GCNT2: variants seen among roughly 807,000 people sequenced by gnomAD.
GCNT2 encodes glucosaminyl (N-acetyl) transferase 2 (I blood group), also known as N-acetyllactosaminide beta-1,6-N-acetylglucosaminyl-transferase.
Under a neutral mutation model 34.2 loss-of-function variants are expected in GCNT2, and 34 were observed. The ratio of observed to expected loss-of-function variants is 1.00; its 90% CI spans 0.76 to 1.32. The LOEUF (loss-of-function observed/expected upper bound fraction) is 1.32, where lower values mean the gene tolerates loss of function less well. GCNT2 is among the 40% of genes most tolerant of loss of function. The probability of loss-of-function intolerance (pLI) is 0.00; values close to 1 mark genes in which losing one functional copy is unlikely to be tolerated. For synonymous variants in GCNT2, 212 were observed against 188.0 expected (o/e 1.13, Z -1.04); for missense variants, 584 against 489.4 (o/e 1.19, Z -1.82).
At chr6:10,536,560 TG>T (rs1761763060) in intron 3 of GCNT2, among the ~76,000 whole-genome samples, 1 of 151,714 alleles carries the variant, frequency 6.6e-6, no homozygotes, top group African/African-American at 2.4e-5. Flanking sequence ...TTCACCATGT[TG>T]GCCAGGATGG....
chr6:10,562,228 C>T (rs575230523), intron 3 of GCNT2, among the ~76,000 whole-genome samples: 279 of 152,278 alleles, frequency 1.8e-3, no homozygotes, highest in African/African-American at 6.2e-3. Flanking sequence ...TGGGTACAAC[C>T]AGGTCGAGAT....
At chr6:10,563,770 AAAAAAAAATATATATATATATAT>A (rs1375909899) in intron 3 of GCNT2, among the ~76,000 whole-genome samples, 79 of 75,328 alleles carry the variant, frequency 1.0e-3, no homozygotes, top group Admixed American at 6.0e-3. Flanking sequence ...AAAAAAAAAA[AAAAAAAAATATATATATATATAT>A]ATATATATAT....
chr6:10,559,573 C>G (rs1762878668), intron 3 of GCNT2, among the ~76,000 whole-genome samples: 1 of 152,220 alleles, frequency 6.6e-6, no homozygotes, highest in Non-Finnish European at 1.5e-5. Flanking sequence ...GTAAAGACCT[C>G]CCACGCTGCT....
In GCNT2 at chr6:10,545,018, C is replaced by T. The variant is rs533891232; in HGVS notation, c.925+15182C>T. ...AGAGCTGCTGGGAAAATAAATAAAG[C>T]AATTTAATTTAATCCTAATATGTAG... On this transcript the variant is annotated intron_variant, in intron 3 of 4. Coordinates refer to ENST00000495262, the MANE Select transcript of GCNT2 (RefSeq NM_145649.5). Among the ~76,000 whole-genome samples the T allele has an allele frequency of 4.6e-5, 7 of 152,038 alleles. No homozygotes were observed. In the South Asian group the frequency reaches 1.5e-3, roughly 32 times the overall value.
intron 3 of GCNT2, among the ~76,000 whole-genome samples, chr6:10,572,122 G>C (rs1013891862): frequency 6.6e-6 from 1 of 152,036 alleles, no homozygotes; most frequent in Non-Finnish European, 1.5e-5. Flanking sequence ...TGGGCAAGCC[G>C]GGACAGTTGG....
At chr6:10,541,380 A>T (rs1762031382) in intron 3 of GCNT2, among the ~76,000 whole-genome samples, 1 of 152,184 alleles carries the variant, frequency 6.6e-6, no homozygotes, top group South Asian at 2.1e-4. Flanking sequence ...TCTATGGCGT[A>T]TATATACGAC....
intron 4 of GCNT2, among the ~76,000 whole-genome samples, chr6:10,622,282 C>G (rs1462425696): frequency 6.6e-6 from 1 of 152,196 alleles, no homozygotes; most frequent in African/African-American, 2.4e-5. Context: ...GCTGCCATAA[C>G]AAAGTGGCAC....
In GCNT2 at chr6:10,624,477, C is replaced by T. The variant is rs1483930832; in HGVS notation, c.1019-1940C>T. On this transcript the variant is annotated intron_variant, in intron 4 of 4. Coordinates refer to ENST00000495262, the MANE Select transcript of GCNT2 (RefSeq NM_145649.5). ...ACAAGAACAATCATGGGGGAAACTG[C>T]CCCCCACGATTCAACTATCTCCCAC... is the stretch of plus-strand genomic sequence containing the variant. Among the ~76,000 whole-genome samples, 7 of 152,116 alleles carry T rather than the reference C, an allele frequency of 4.6e-5. No homozygotes were observed. In the South Asian group the frequency reaches 8.3e-4, roughly 18 times the overall value.
chr6:10,576,223 A>G (rs1474671474), intron 3 of GCNT2, among the ~76,000 whole-genome samples: 10 of 152,194 alleles, frequency 6.6e-5, no homozygotes, highest in Admixed American at 5.9e-4. Context: ...TGACATGAAG[A>G]GTTGTAGGAA....
At chr6:10,618,397 A>G (rs558943467) in intron 3 of GCNT2, among the ~76,000 whole-genome samples, 1 of 152,324 alleles carries the variant, frequency 6.6e-6, no homozygotes, top group South Asian at 2.1e-4. Flanking sequence ...TTAATTATAA[A>G]TGTCACGATC....
intron 4 of GCNT2, among the ~76,000 whole-genome samples, chr6:10,624,246 C>G (rs1766169584): frequency 6.6e-6 from 1 of 152,134 alleles, no homozygotes; most frequent in Admixed American, 6.6e-5. Flanking sequence ...TAAAGACATA[C>G]CCAAGACTGG....
intron 3 of GCNT2, chr6:10,556,339 A>G: frequency 6.2e-7 from 1 of 1,600,420 alleles, no homozygotes; most frequent in Non-Finnish European, 8.5e-7. Context: ...TATGTTGCAA[A>G]ATAAGAACTC....
chr6:10,582,271 AATAT>A (rs1346347836), intron 3 of GCNT2, among the ~76,000 whole-genome samples: 1 of 109,878 alleles, frequency 9.1e-6, no homozygotes, highest in Non-Finnish European at 1.7e-5. Context: ...CTATATATTA[AATAT>A]ATAAATATAT....
Position 10,529,696 on chromosome 6 carries a change from T to C in GCNT2, c.785T>C (p.Phe262Ser). The part of the protein sequence containing the change: ...TPPPHDMVIY[F>S]GTAYVALTRD... ...CCTCCTCATGACATGGTGATTTACT[T>C]TGGCACGGCCTACGTGGCTCTCACA... Residue 262 changes from phenylalanine (F) to serine (S), a missense_variant, in exon 3 of 5, where the codon TTT (phenylalanine) becomes TCT (serine). By Grantham distance (155) the Phe-to-Ser change is radical. Transcript: ENST00000495262. 2 of 1,614,104 alleles carry C rather than the reference T, an allele frequency of 1.2e-6. No individual in the cohort carries two copies. Among genetic ancestry groups the C allele is most frequent in the Non-Finnish European group, 1.7e-6 (2 of 1,180,004 alleles).
At chr6:10,566,468 A>G (rs1763289138) in intron 3 of GCNT2, among the ~76,000 whole-genome samples, 1 of 151,962 alleles carries the variant, frequency 6.6e-6, no homozygotes, top group Non-Finnish European at 1.5e-5. Flanking sequence ...TAATTTTTAA[A>G]ATCTTTATAG....
intron 3 of GCNT2, among the ~76,000 whole-genome samples, chr6:10,552,732 G>A (rs16870468): frequency 0.029 from 4,425 of 152,142 alleles, 211 homozygotes; most frequent in African/African-American, 0.1. Context: ...TACTTAATAC[G>A]CTGTCCAAAA....
chr6:10,566,672 C>T (rs1271043642), intron 3 of GCNT2, among the ~76,000 whole-genome samples: 1 of 152,220 alleles, frequency 6.6e-6, no homozygotes, highest in Non-Finnish European at 1.5e-5. Flanking sequence ...CTGCACGGGC[C>T]TATTTCTGTT....
chr6:10,625,252 C>A (rs1340311775), intron 4 of GCNT2, among the ~76,000 whole-genome samples: 1 of 152,142 alleles, frequency 6.6e-6, no homozygotes. Flanking sequence ...TTCTAATGTA[C>A]CTTGCAAAAC....
Position 10,523,133 on chromosome 6 carries a change from C to T in GCNT2, c.-469+1716C>T, listed in dbSNP as rs559616221. Reference sequence around the variant, plus strand: ...ATTTGACTGAGCTTGAAAAGACCAGCTTTCAGCCAGGCGCGGTGTGGCTCA... The same window carrying T: ...ATTTGACTGAGCTTGAAAAGACCAGTTTTCAGCCAGGCGCGGTGTGGCTCA... On this transcript the variant is annotated intron_variant, in intron 1 of 4. Transcript: ENST00000495262. Among the ~76,000 whole-genome samples the T allele has an allele frequency of 5.8e-4, 88 of 152,284 alleles. 3 individuals carry two copies. In the South Asian group the frequency reaches 0.017, roughly 29 times the overall value.
Sources: allele counts gnomAD v4.1 joint callset (sites outside exome capture counted in the v4.1 genomes callset), GRCh38; gene constraint gnomAD v4.1.1; transcripts MANE v1.5; gene names NCBI Gene and HGNC (gene_info 2026-07-23, HGNC 2026-07-21).